Variants in ZMAT4 observed in about 807,000 individuals in gnomAD.
ZMAT4 encodes the protein zinc finger matrin-type protein 4.
Under a neutral mutation model 28.7 loss-of-function variants are expected in ZMAT4, and 17 were observed. The ratio of observed to expected loss-of-function variants is 0.59; its 90% confidence interval spans 0.41 to 0.89. The LOEUF is 0.89. ZMAT4 is among the 40% of genes least tolerant of loss of function. The pLI is 0.00. For synonymous variants in ZMAT4, 117 were observed against 109.2 expected (o/e 1.07, Z -0.44); for missense variants, 240 against 283.8 (o/e 0.85, Z 1.11).
chr8:40,612,980 T>C (rs1034886934), intron 5 of ZMAT4, among the ~76,000 whole-genome samples: 2 of 150,126 alleles, frequency 1.3e-5, no homozygotes, highest in Non-Finnish European at 3.0e-5. Context: ...GGCCGGCTAA[T>C]TTTTGTATTT....
chr8:40,818,973 C>T (rs2150603556), intron 2 of ZMAT4, among the ~76,000 whole-genome samples: 1 of 152,298 alleles, frequency 6.6e-6, no homozygotes, highest in South Asian at 2.1e-4. Flanking sequence ...TCTTAATTTT[C>T]ACCTTTTTAT....
At chr8:40,881,021 G>A (rs964579143) in intron 1 of ZMAT4, among the ~76,000 whole-genome samples, 9 of 152,198 alleles carry the variant, frequency 5.9e-5, no homozygotes, top group Admixed American at 2.0e-4. Flanking sequence ...AACTGGTTTC[G>A]TCTAACCTCT....
At chr8:40,712,246 G>C (rs1303919989) in intron 3 of ZMAT4, among the ~76,000 whole-genome samples, 2 of 152,180 alleles carry the variant, frequency 1.3e-5, no homozygotes, top group African/African-American at 4.8e-5. Context: ...TATGTGGAAA[G>C]TACTTAGAAT....
chr8:40,667,963 G>T (rs1474952544), intron 5 of ZMAT4, among the ~76,000 whole-genome samples: 1 of 152,112 alleles, frequency 6.6e-6, no homozygotes. Flanking sequence ...TATTGAAAAT[G>T]CAGCTTTTAT....
At position 40,790,832 on chromosome 8, in the gene ZMAT4, C is replaced by A. The variant is rs34802191; in HGVS notation, c.103-23102G>T. Among the ~76,000 whole-genome samples the A allele has an allele frequency of 2.0e-5, 3 of 152,172 alleles. No individual in the cohort carries two copies. The East Asian group carries it at 5.8e-4, about 29-fold the overall frequency. On this transcript the variant is annotated intron_variant, in intron 2 of 6. Coordinates refer to ENST00000297737, the MANE Select transcript of ZMAT4 (RefSeq NM_024645.3). ...AAAGCACTTAGAATTGCCAAAACAA[C>A]TGTGAAAGCAAAGAACAGAGATAGA... is the stretch of plus-strand genomic sequence containing the variant.
At chr8:40,553,523 A>G (rs1225937664) in intron 6 of ZMAT4, among the ~76,000 whole-genome samples, 1 of 152,172 alleles carries the variant, frequency 6.6e-6, no homozygotes, top group Non-Finnish European at 1.5e-5. Flanking sequence ...CTGTCATCCC[A>G]GGATAGGAAT....
chr8:40,657,328 A>T (rs1161227558), intron 5 of ZMAT4, among the ~76,000 whole-genome samples: 1 of 151,946 alleles, frequency 6.6e-6, no homozygotes, highest in Non-Finnish European at 1.5e-5. Context: ...TATAGCCTGA[A>T]GAACTTCTTT....
chr8:40,836,157 G>A (rs556536808), intron 1 of ZMAT4, among the ~76,000 whole-genome samples: 15 of 152,234 alleles, frequency 9.9e-5, no homozygotes, highest in Admixed American at 2.6e-4. Context: ...GTAAGAAATC[G>A]GGAAAATAAT....
Position 40,750,913 on chromosome 8 carries a change from C to A in ZMAT4, c.192+16728G>T, listed in dbSNP as rs1048185588. On this transcript the variant is annotated intron_variant, in intron 3 of 6. Transcript: ENST00000297737. ...TTTGCAGTCTGTTGCCACCAGAATT[C>A]TTTTATTCAAACTACCCTAAACAAA... Among the ~76,000 whole-genome samples, 8 of 152,310 alleles carry A rather than the reference C, an allele frequency of 5.3e-5. No individual in the cohort carries two copies. The East Asian group carries it at 1.4e-3, about 26-fold the overall frequency.
At position 40,890,040 on chromosome 8, in the gene ZMAT4, C is replaced by G. The variant is rs188388109; in HGVS notation, c.-5+7643G>C. On this transcript the variant is annotated intron_variant, in intron 1 of 6. Coordinates refer to ENST00000297737, the MANE Select transcript of ZMAT4 (RefSeq NM_024645.3). Reference sequence around the variant, plus strand: ...TTCTGCTAATCTGTTAAATGGATAACGATAACTTGTTTTAATTTCACATTT... The same window carrying G: ...TTCTGCTAATCTGTTAAATGGATAAGGATAACTTGTTTTAATTTCACATTT... Among the ~76,000 whole-genome samples the G allele has an allele frequency of 2.6e-5, 4 of 152,270 alleles. No individual in the cohort carries two copies. In the East Asian group the frequency reaches 7.7e-4, roughly 29 times the overall value.
At chr8:40,837,705 A>C (rs1816546913) in intron 1 of ZMAT4, among the ~76,000 whole-genome samples, 1 of 152,220 alleles carries the variant, frequency 6.6e-6, no homozygotes, top group African/African-American at 2.4e-5. Flanking sequence ...CATTCAGGTC[A>C]GTACCGCTCG....
intron 1 of ZMAT4, among the ~76,000 whole-genome samples, chr8:40,886,952 A>G (rs1284906525): frequency 1.3e-5 from 2 of 152,036 alleles, no homozygotes; most frequent in Admixed American, 1.3e-4. Flanking sequence ...CGGGCAGAAC[A>G]CGAGGTCAGG....
At chr8:40,774,383 T>C (rs537665476) in intron 2 of ZMAT4, among the ~76,000 whole-genome samples, 1 of 152,266 alleles carries the variant, frequency 6.6e-6, no homozygotes, top group South Asian at 2.1e-4. Flanking sequence ...TTGGTGAAGA[T>C]GCAGAAAAAG....
At chr8:40,551,879 A>G (rs974175017) in intron 6 of ZMAT4, among the ~76,000 whole-genome samples, 7 of 152,168 alleles carry the variant, frequency 4.6e-5, no homozygotes, top group African/African-American at 1.4e-4. Flanking sequence ...CCTTGCAGTG[A>G]GACACATAAG....
intron 4 of ZMAT4, among the ~76,000 whole-genome samples, chr8:40,694,217 A>T (rs1585889951): frequency 6.6e-6 from 1 of 152,270 alleles, no homozygotes. Context: ...GCAGTAAGGG[A>T]GGATGGCCAT....
chr8:40,732,980 G>A (rs934469851), intron 3 of ZMAT4, among the ~76,000 whole-genome samples: 8 of 151,426 alleles, frequency 5.3e-5, no homozygotes, highest in African/African-American at 1.9e-4. Flanking sequence ...CAAGTAGCTG[G>A]GTTGACAGGC....
intron 3 of ZMAT4, among the ~76,000 whole-genome samples, chr8:40,706,878 C>G (rs890096910): frequency 6.6e-6 from 1 of 152,124 alleles, no homozygotes; most frequent in Non-Finnish European, 1.5e-5. Flanking sequence ...GTTTCACTTT[C>G]GAATCAGGTG....
At chr8:40,591,623 T>C (rs1804896554) in intron 5 of ZMAT4, among the ~76,000 whole-genome samples, 1 of 152,140 alleles carries the variant, frequency 6.6e-6, no homozygotes, top group Non-Finnish European at 1.5e-5. Context: ...AAAAACAGCC[T>C]TACAAAGACT....
intron 2 of ZMAT4, among the ~76,000 whole-genome samples, chr8:40,804,931 A>T (rs1322978452): frequency 6.6e-6 from 1 of 151,860 alleles, no homozygotes. Flanking sequence ...GTTTAAACCA[A>T]TATTTCTCAA....
Sources: allele counts gnomAD v4.1 joint callset (sites outside exome capture counted in the v4.1 genomes callset), GRCh38; gene constraint gnomAD v4.1.1; transcripts MANE v1.5; gene names NCBI Gene and HGNC (gene_info 2026-07-23, HGNC 2026-07-21).